GALNT13: variants seen among roughly 807,000 people sequenced by gnomAD.
GALNT13 encodes the protein polypeptide N-acetylgalactosaminyltransferase 13, also known as UDP-GalNAc:polypeptide N-acetylgalactosaminyltransferase 13.
A neutral mutation model predicts 64.2 loss-of-function variants in GALNT13; 28 were observed. That is an observed-to-expected ratio of 0.44 (90% confidence interval 0.32 to 0.60). The LOEUF (loss-of-function observed/expected upper bound fraction) is 0.60. Among genes scored for constraint, GALNT13 ranks in the 20% least tolerant of loss-of-function variants. GALNT13 has a pLI of 0.05. For missense variants in GALNT13, 577 were observed against 669.8 expected (o/e 0.86, Z 1.53); for synonymous variants, 214 against 224.6 (o/e 0.95, Z 0.42).
chr2:153,638,692 A>G, the GALNT13 span, among the ~76,000 whole-genome samples: 1 of 152,028 alleles, frequency 6.6e-6, no homozygotes, highest in Non-Finnish European at 1.5e-5. Context: ...CTTAAACTTA[A>G]TTTATATGGC....
chr2:154,203,512 C>T (rs947604539), intron 4 of GALNT13, among the ~76,000 whole-genome samples: 5 of 152,036 alleles, frequency 3.3e-5, no homozygotes, highest in Non-Finnish European at 4.4e-5. Flanking sequence ...ATTTTTTTCA[C>T]TATAAAACCT....
intron 3 of GALNT13, among the ~76,000 whole-genome samples, chr2:153,949,672 G>A (rs190646089): frequency 6.6e-6 from 1 of 152,202 alleles, no homozygotes; most frequent in African/African-American, 2.4e-5. Context: ...GAAAAATACA[G>A]AGTGGGGATG....
At chr2:153,510,087 A>T in the GALNT13 span, among the ~76,000 whole-genome samples, 14 of 152,212 alleles carry the variant, frequency 9.2e-5, no homozygotes, top group Admixed American at 6.5e-4. Context: ...AAAGAAACAG[A>T]GTATCTAATT....
intron 8 of GALNT13, among the ~76,000 whole-genome samples, chr2:154,279,225 A>T (rs1356612268): frequency 6.6e-6 from 1 of 152,144 alleles, no homozygotes; most frequent in Non-Finnish European, 1.5e-5. Flanking sequence ...ATAAATTGTC[A>T]TGTGCCTAGA....
At chr2:153,370,168 T>C in the GALNT13 span, among the ~76,000 whole-genome samples, 1 of 152,204 alleles carries the variant, frequency 6.6e-6, no homozygotes, top group Non-Finnish European at 1.5e-5. Context: ...TGAGTAATTG[T>C]ATATCTATTT....
At chr2:153,639,377 G>T in the GALNT13 span, among the ~76,000 whole-genome samples, 3 of 152,068 alleles carry the variant, frequency 2.0e-5, no homozygotes, top group Admixed American at 1.3e-4. Flanking sequence ...TAATGCCAAG[G>T]TTTCTAAGAA....
intron 4 of GALNT13, among the ~76,000 whole-genome samples, chr2:154,187,666 C>A (rs1290561543): frequency 6.6e-6 from 1 of 151,944 alleles, no homozygotes; most frequent in Non-Finnish European, 1.5e-5. Context: ...GTTAGAGAGA[C>A]ATGTGAGCTC....
intron 3 of GALNT13, among the ~76,000 whole-genome samples, chr2:153,976,911 A>C (rs1408116823): frequency 6.6e-6 from 1 of 152,076 alleles, no homozygotes; most frequent in Non-Finnish European, 1.5e-5. Flanking sequence ...AGGAAATAAT[A>C]ATTGAAATAA....
the GALNT13 span, among the ~76,000 whole-genome samples, chr2:153,848,186 C>T: frequency 7.2e-5 from 11 of 152,170 alleles, no homozygotes; most frequent in Non-Finnish European, 1.6e-4. Context: ...GTGTGCCATA[C>T]TGGTGGGATT....
At chr2:153,882,800 T>C (rs1355345505) in intron 1 of GALNT13, among the ~76,000 whole-genome samples, 1 of 151,786 alleles carries the variant, frequency 6.6e-6, no homozygotes, top group Non-Finnish European at 1.5e-5. Context: ...AGCTAACTTT[T>C]ATAATTTTGT....
the GALNT13 span, among the ~76,000 whole-genome samples, chr2:153,463,289 A>G: frequency 6.6e-6 from 1 of 152,074 alleles, no homozygotes; most frequent in Non-Finnish European, 1.5e-5. Context: ...CCAAGTGTGT[A>G]TTAGGGAGCG....
chr2:154,431,547 T>C (rs1399934525), intron 11 of GALNT13, among the ~76,000 whole-genome samples: 2 of 152,214 alleles, frequency 1.3e-5, no homozygotes, highest in African/African-American at 2.4e-5. Context: ...GTTTTAGGTA[T>C]TTGAAGAATT....
intron 1 of GALNT13, among the ~76,000 whole-genome samples, chr2:153,884,473 G>A (rs1686998618): frequency 6.6e-6 from 1 of 151,712 alleles, no homozygotes; most frequent in Non-Finnish European, 1.5e-5. Context: ...ACTATATAAA[G>A]AAATATAAAT....
the GALNT13 span, among the ~76,000 whole-genome samples, chr2:153,560,216 G>A: frequency 6.6e-6 from 1 of 151,948 alleles, no homozygotes; most frequent in Non-Finnish European, 1.5e-5. Context: ...TTACTAGTGG[G>A]TTAACATTGT....
At chr2:154,443,235 G>T (rs897877404) in intron 12 of GALNT13, among the ~76,000 whole-genome samples, 1 of 151,928 alleles carries the variant, frequency 6.6e-6, no homozygotes, top group South Asian at 2.1e-4. Flanking sequence ...GTAGTGAGTA[G>T]GAATTTCAAT....
At chr2:153,738,327 T>G in the GALNT13 span, among the ~76,000 whole-genome samples, 1 of 152,038 alleles carries the variant, frequency 6.6e-6, no homozygotes, top group Non-Finnish European at 1.5e-5. Context: ...GTGCTCCCCA[T>G]GTCCCAACAT....
At chr2:153,845,342 A>G in the GALNT13 span, among the ~76,000 whole-genome samples, 2 of 152,324 alleles carry the variant, frequency 1.3e-5, no homozygotes, top group South Asian at 2.1e-4. Context: ...AAAGCTTACA[A>G]TCATGGTGGA....
the GALNT13 span, among the ~76,000 whole-genome samples, chr2:153,563,721 T>C: frequency 0.17 from 25,063 of 151,610 alleles, 2,799 homozygotes; most frequent in East Asian, 0.33. Flanking sequence ...GTTTTTTTTT[T>C]CCTATTAAGC....
chr2:153,099,410 G>A, the GALNT13 span, among the ~76,000 whole-genome samples: 1 of 152,066 alleles, frequency 6.6e-6, no homozygotes. Context: ...TAACTCAAAT[G>A]TACACAAGAC....
Sources: allele counts gnomAD v4.1 joint callset (sites outside exome capture counted in the v4.1 genomes callset), GRCh38; gene constraint gnomAD v4.1.1; transcripts MANE v1.5; gene names NCBI Gene and HGNC (gene_info 2026-07-23, HGNC 2026-07-21).